APBB1IP: variants seen among roughly 807,000 people sequenced by gnomAD.
APBB1IP encodes the protein amyloid beta A4 precursor protein-binding family B member 1-interacting protein.
A neutral mutation model predicts 64.9 loss-of-function variants in APBB1IP; 27 were observed. That is an observed-to-expected ratio of 0.42 (90% CI 0.31 to 0.57). APBB1IP has a LOEUF of 0.57. Ranked by LOEUF, APBB1IP falls within the 20% of genes least tolerant of loss-of-function variation. The pLI, the probability that APBB1IP is intolerant of heterozygous loss-of-function variation, is 0.20. For missense variants in APBB1IP, 812 were observed against 845.5 expected, an observed-to-expected ratio of 0.96 and a Z score of 0.49; for synonymous variants, 392 against 331.0, an observed-to-expected ratio of 1.18 and a Z score of -2.00.
intron 7 of APBB1IP, among the ~76,000 whole-genome samples, chr10:26,513,204 C>T (rs1836282847): frequency 6.6e-6 from 1 of 152,166 alleles, no homozygotes; most frequent in Admixed American, 6.5e-5. Context: ...TTGCTTGAGC[C>T]TTGAGCCTGT....
chr10:26,495,663 G>GCCTTCACA (rs137940401), intron 3 of APBB1IP, among the ~76,000 whole-genome samples: 8,568 of 149,388 alleles, frequency 0.057, 836 homozygotes, highest in African/African-American at 0.2. Flanking sequence ...TCTTGGACCT[G>GCCTTCACA]CCTTCACACA....
chr10:26,556,111 C>T (rs11015173), intron 11 of APBB1IP, among the ~76,000 whole-genome samples: 13,664 of 152,288 alleles, frequency 0.09, 721 homozygotes, highest in Middle Eastern at 0.13. Context: ...CCTCTGTGTG[C>T]TGTTCTCATG....
chr10:26,513,544 T>G lies in APBB1IP; in HGVS notation c.697T>G (p.Phe233Val). ...ACCTTTTCTTATTTCATCAGAGAGG[T>G]TTTTTGAAGACCATGAAAATGTTGT... ...EIYPELQIER[F>V]FEDHENVVEV... Residue 233 changes from phenylalanine (F) to valine (V), a missense_variant, in exon 8 of 15, where the codon TTT (phenylalanine) becomes GTT (valine). Phe to Val is a conservative substitution (Grantham distance 50). This residue lies in a region of APBB1IP where 394 missense variants were observed against 413.1 expected (regional missense o/e 0.95). Transcript: ENST00000376236. 1 of 1,611,340 alleles carries G rather than the reference T, an allele frequency of 6.2e-7. No homozygotes were observed. Among genetic ancestry groups the G allele is most frequent in the Non-Finnish European group, 8.5e-7 (1 of 1,179,408 alleles).
At chr10:26,488,442 A>G (rs1159064501) in intron 2 of APBB1IP, among the ~76,000 whole-genome samples, 1 of 152,158 alleles carries the variant, frequency 6.6e-6, no homozygotes, top group Non-Finnish European at 1.5e-5. Flanking sequence ...TATGTTGCCC[A>G]GGCTGGTTTC....
intron 2 of APBB1IP, among the ~76,000 whole-genome samples, chr10:26,456,946 A>G (rs952908385): frequency 1.3e-5 from 2 of 152,110 alleles, no homozygotes; most frequent in African/African-American, 4.8e-5. Context: ...GGCTAAACTG[A>G]CCAGACAAAC....
chr10:26,488,254 T>G (rs936100565), intron 2 of APBB1IP, among the ~76,000 whole-genome samples: 13 of 152,028 alleles, frequency 8.6e-5, no homozygotes, highest in Non-Finnish European at 1.5e-4. Context: ...TTTTTTTTTT[T>G]TGAGAGAGTC....
chr10:26,543,019 A>G (rs1039170740), intron 11 of APBB1IP, among the ~76,000 whole-genome samples: 2 of 148,468 alleles, frequency 1.3e-5, no homozygotes, highest in Non-Finnish European at 3.0e-5. Flanking sequence ...GAAAACCCCC[A>G]CACCAAAGAC....
Position 26,536,096 on chromosome 10 carries a change from T to C in APBB1IP, c.923T>C (p.Ile308Thr), listed in dbSNP as rs1354534151. ...CAGGAAAGTTTCTGTGGAACATCTA[T>C]CATTGTACCAGAACTGGAAGGAGCT... Reference protein sequence around the residue: ...LLEESFCGTSIIVPELEGALY... With the variant: ...LLEESFCGTSTIVPELEGALY... The change falls in exon 10 of 15, where the codon ATC becomes ACC. Residue 308 changes from isoleucine (I) to threonine (T), a missense_variant. Ile to Thr is a moderately conservative substitution (Grantham distance 89). Coordinates refer to ENST00000376236, the MANE Select transcript of APBB1IP (RefSeq NM_019043.4). 7 of 1,595,980 alleles carry C rather than the reference T, an allele frequency of 4.4e-6. No individual in the cohort carries two copies. Among genetic ancestry groups the C allele is most frequent in the African/African-American group, 1.4e-5 (1 of 73,776 alleles).
At chr10:26,462,307 C>A (rs1835602648) in intron 2 of APBB1IP, among the ~76,000 whole-genome samples, 2 of 152,028 alleles carry the variant, frequency 1.3e-5, no homozygotes, top group African/African-American at 4.8e-5. Context: ...AATGGCGGGA[C>A]CCCTTTGACT....
intron 3 of APBB1IP, among the ~76,000 whole-genome samples, chr10:26,495,908 A>T (rs933682579): frequency 2.8e-5 from 4 of 142,860 alleles, no homozygotes; most frequent in East Asian, 2.0e-4. Context: ...TATTTATATA[A>T]ATATATATTT....
chr10:26,452,933 C>T (rs756401420), intron 2 of APBB1IP, among the ~76,000 whole-genome samples: 1 of 152,134 alleles, frequency 6.6e-6, no homozygotes, highest in African/African-American at 2.4e-5. Context: ...CTGAGTATAA[C>T]TCCTACTATT....
At chr10:26,517,957 A>T (rs1395837165) in intron 8 of APBB1IP, among the ~76,000 whole-genome samples, 1 of 151,890 alleles carries the variant, frequency 6.6e-6, no homozygotes, top group Non-Finnish European at 1.5e-5. Flanking sequence ...TTTATTTTTT[A>T]TTTTATTTCA....
intron 2 of APBB1IP, among the ~76,000 whole-genome samples, chr10:26,472,008 T>C (rs996917981): frequency 6.6e-6 from 1 of 152,118 alleles, no homozygotes; most frequent in African/African-American, 2.4e-5. Flanking sequence ...ATGCAAACTT[T>C]AGCAGACTTG....
chr10:26,462,425 A>G (rs929085860), intron 2 of APBB1IP, among the ~76,000 whole-genome samples: 2 of 152,190 alleles, frequency 1.3e-5, no homozygotes, highest in African/African-American at 4.8e-5. Flanking sequence ...AACCATTTCA[A>G]CCTTACTAAG....
chr10:26,458,881 C>T (rs1835557028), intron 2 of APBB1IP, among the ~76,000 whole-genome samples: 2 of 152,100 alleles, frequency 1.3e-5, no homozygotes, highest in South Asian at 4.2e-4. Flanking sequence ...CTGAATTTGA[C>T]TTTAATTAAA....
chr10:26,536,275 A>G, intron 10 of APBB1IP, 58 bp downstream of exon 10: 1 of 1,511,172 alleles, frequency 6.6e-7, no homozygotes, highest in Non-Finnish European at 8.8e-7. Flanking sequence ...GAATGAAACT[A>G]AAGAAATCCT....
At chr10:26,543,916 A>G (rs1222598316) in intron 11 of APBB1IP, among the ~76,000 whole-genome samples, 3 of 152,238 alleles carry the variant, frequency 2.0e-5, no homozygotes, top group Non-Finnish European at 4.4e-5. Context: ...GATGGGGAGC[A>G]TGCCCTGCCT....
At chr10:26,555,685 G>A (rs927228255) in intron 11 of APBB1IP, among the ~76,000 whole-genome samples, 9 of 151,948 alleles carry the variant, frequency 5.9e-5, no homozygotes, top group Non-Finnish European at 8.8e-5. Context: ...CCGCAGCCTC[G>A]AACACCTGGT....
At chr10:26,515,965 T>A (rs1836321044) in intron 8 of APBB1IP, among the ~76,000 whole-genome samples, 1 of 152,192 alleles carries the variant, frequency 6.6e-6, no homozygotes, top group South Asian at 2.1e-4. Context: ...TACATGGGGA[T>A]CTTCACAAGA....
Sources: gnomAD v4.1 joint callset for allele counts (sites outside exome capture counted in the v4.1 genomes callset) on GRCh38, gnomAD v4.1.1 for gene constraint, gnomAD v4.1.1 regional missense constraint, MANE v1.5 for transcripts, NCBI Gene and HGNC (gene_info 2026-07-23, HGNC 2026-07-21) for gene names.